Variants in ANKRD29 observed in about 807,000 individuals in gnomAD.
The protein encoded by ANKRD29 is ankyrin repeat domain-containing protein 29.
ANKRD29 carries 32 observed loss-of-function variants against 38.0 expected under a neutral mutation model. The ratio of observed to expected loss-of-function variants is 0.84; its 90% CI spans 0.64 to 1.13. ANKRD29 has a LOEUF of 1.13. Ranked by LOEUF, ANKRD29 falls within the 50% of genes most tolerant of loss-of-function variation. The pLI is 0.00. For missense variants in ANKRD29, 357 were observed against 377.9 expected, an observed-to-expected ratio of 0.94 and a Z score of 0.46; for synonymous variants, 135 against 152.4, an observed-to-expected ratio of 0.89 and a Z score of 0.84.
At chr18:23,648,660 T>A (rs548823160) in intron 2 of ANKRD29, 34 of 383,816 alleles carry the variant, frequency 8.9e-5, no homozygotes, top group African/African-American at 6.2e-4. Flanking sequence ...AAGGATAAAA[T>A]CCTGGGGGAG....
intron 1 of ANKRD29, among the ~76,000 whole-genome samples, chr18:23,654,515 G>A (rs2060253359): frequency 6.7e-6 from 1 of 149,612 alleles, no homozygotes; most frequent in South Asian, 2.1e-4. Flanking sequence ...AGCTACTCGG[G>A]AGGCTGCGGC....
At position 23,649,196 on chromosome 18, in the gene ANKRD29, G is replaced by C; in HGVS notation, c.22-3C>G. On this transcript the variant is annotated splice_polypyrimidine_tract_variant and splice_region_variant and intron_variant, in intron 1 of 9. Transcript: ENST00000592179. ...GCATTGGCAAGTGGAGTTTCCTTCT[G>C]CAAGAACAAAATGAAACAGGATCTT... The C allele has an allele frequency of 6.2e-7, 1 of 1,610,426 alleles. No homozygotes were observed. Among genetic ancestry groups the C allele is most frequent in the African/African-American group, 1.3e-5 (1 of 74,890 alleles).
At chr18:23,638,715 G>A in intron 4 of ANKRD29, 134 bp downstream of exon 4, 1 of 705,472 alleles carries the variant, frequency 1.4e-6, no homozygotes, top group East Asian at 2.9e-5. Flanking sequence ...GTAACCTTGA[G>A]GAAATCCACT....
chr18:23,612,428 T>C (rs1302120129), intron 8 of ANKRD29, among the ~76,000 whole-genome samples: 2 of 152,250 alleles, frequency 1.3e-5, no homozygotes, highest in South Asian at 2.1e-4. Context: ...GGAATAGGGC[T>C]GAGGGGACAC....
chr18:23,662,761 G>C lies in ANKRD29; in HGVS notation c.-31C>G. The C allele has an allele frequency of 6.9e-7, 1 of 1,455,512 alleles. No individual in the cohort carries two copies. Among genetic ancestry groups the C allele is most frequent in the South Asian group, 1.3e-5 (1 of 75,526 alleles). The allele number at this position is 1,455,512 out of a possible 1,614,324, so 90.2% of individuals were successfully genotyped here. A position where few individuals can be genotyped will look rare whatever the true frequency, so the allele number is the denominator to read the frequency against. ...CGGCCGCCCGAGCGGGAGCCGGCGC[G>C]CTTTGGGCCCGGGGCGCCTTGTCCT... On this transcript the variant is annotated 5_prime_UTR_variant, in exon 1 of 10. Transcript: ENST00000592179.
intron 1 of ANKRD29, among the ~76,000 whole-genome samples, chr18:23,661,396 A>C (rs1568061136): frequency 6.6e-6 from 1 of 152,220 alleles, no homozygotes. Context: ...TCCCTACTGA[A>C]TTATGCCGAT....
intron 8 of ANKRD29, among the ~76,000 whole-genome samples, 175 bp downstream of exon 8, chr18:23,617,557 C>T (rs2059740337): frequency 6.6e-6 from 1 of 152,088 alleles, no homozygotes; most frequent in Admixed American, 6.5e-5. Context: ...TTTCTACCAC[C>T]TCCCCACTTC....
At chr18:23,659,224 C>T (rs573486124) in intron 1 of ANKRD29, among the ~76,000 whole-genome samples, 3 of 152,232 alleles carry the variant, frequency 2.0e-5, no homozygotes, top group Non-Finnish European at 4.4e-5. Flanking sequence ...TCAGGTGATC[C>T]GCCACAGCTT....
At chr18:23,640,602 A>G (rs1362282597) in intron 3 of ANKRD29, among the ~76,000 whole-genome samples, 1 of 152,208 alleles carries the variant, frequency 6.6e-6, no homozygotes, top group Admixed American at 6.5e-5. Context: ...TGATTCTAAA[A>G]TTTAAACTGA....
At chr18:23,661,551 C>T (rs888947397) in intron 1 of ANKRD29, among the ~76,000 whole-genome samples, 28 of 152,064 alleles carry the variant, frequency 1.8e-4, no homozygotes, top group Non-Finnish European at 8.8e-5. Context: ...ACTAAAAATA[C>T]GAAAAAATTA....
intron 1 of ANKRD29, among the ~76,000 whole-genome samples, chr18:23,655,703 C>T (rs2060270473): frequency 1.3e-5 from 2 of 151,964 alleles, no homozygotes; most frequent in South Asian, 2.1e-4. Flanking sequence ...GATCTACCCG[C>T]CTCAGCCTCC....
At chr18:23,606,669 T>C (rs1599055376) in intron 9 of ANKRD29, among the ~76,000 whole-genome samples, 1 of 152,230 alleles carries the variant, frequency 6.6e-6, no homozygotes, top group East Asian at 1.9e-4. Context: ...GGTCCAAGGA[T>C]CCCACTTTGA....
chr18:23,658,950 T>G (rs1429413210), intron 1 of ANKRD29, among the ~76,000 whole-genome samples: 2 of 152,138 alleles, frequency 1.3e-5, no homozygotes, highest in African/African-American at 4.8e-5. Flanking sequence ...TGTTTAAGCC[T>G]CCCTATCTAT....
At chr18:23,610,252 C>T (rs754034869) in intron 9 of ANKRD29, among the ~76,000 whole-genome samples, 7 of 151,848 alleles carry the variant, frequency 4.6e-5, no homozygotes, top group Non-Finnish European at 5.9e-5. Flanking sequence ...CCGAGGGGGG[C>T]GGATCACAAG....
chr18:23,608,017 A>C lies in ANKRD29; in HGVS notation c.822+4075T>G, dbSNP rs151047543. ...AGAAGTCTTGGAACTCCTGGAGCAG[A>C]AGAGTGTTCTGTACTAGCTGAGAAG... On this transcript the variant is annotated intron_variant, in intron 9 of 9. Transcript: ENST00000592179. 6.8e-3 allele frequency among the ~76,000 whole-genome samples: 1,033 copies of C among 152,348 alleles called. 12 individuals are homozygous for C. The highest frequency in any genetic ancestry group is 0.024 in the South Asian group (116 of 4,828).
intron 9 of ANKRD29, among the ~76,000 whole-genome samples, chr18:23,611,116 C>T (rs80022789): frequency 2.0e-5 from 3 of 152,304 alleles, no homozygotes; most frequent in East Asian, 3.9e-4. Flanking sequence ...ACCCACCCAC[C>T]GCGAAGTTTG....
chr18:23,616,276 A>G (rs977506485), intron 8 of ANKRD29, among the ~76,000 whole-genome samples: 1 of 149,268 alleles, frequency 6.7e-6, no homozygotes, highest in Non-Finnish European at 1.5e-5. Flanking sequence ...TATGCCATAT[A>G]CTAATATGCC....
intron 5 of ANKRD29, among the ~76,000 whole-genome samples, chr18:23,631,916 C>T (rs1025959597): frequency 1.3e-5 from 2 of 152,220 alleles, no homozygotes; most frequent in Non-Finnish European, 2.9e-5. Flanking sequence ...TGTTTTCAGA[C>T]CACGGTGGAA....
chr18:23,637,994 C>CTTT lies in ANKRD29; in HGVS notation c.330+852_330+854dup, dbSNP rs3083465. Among the ~76,000 whole-genome samples, 402 of 98,014 alleles carry CTTT rather than the reference C, an allele frequency of 4.1e-3. 15 individuals carry two copies. The highest frequency in any genetic ancestry group is 8.2e-3 in the Middle Eastern group (1 of 122). 64.3% of individuals were successfully genotyped at this position (98,014 alleles called of 152,430 possible). A position where few individuals can be genotyped will look rare whatever the true frequency, so the allele number is the denominator to read the frequency against. ...TGTCAAAAATGAAAATCAATTACTT[C>CTTT]TTTTTTTTTTTTTTTTTTTTTGAGA... On this transcript the variant is annotated intron_variant, in intron 4 of 9. Coordinates refer to ENST00000592179, the MANE Select transcript of ANKRD29 (RefSeq NM_173505.4).
Sources: allele counts gnomAD v4.1 joint callset (sites outside exome capture counted in the v4.1 genomes callset), GRCh38; gene constraint gnomAD v4.1.1; transcripts MANE v1.5; gene names NCBI Gene and HGNC (gene_info 2026-07-23, HGNC 2026-07-21).